ANKFN1: variants seen among roughly 807,000 people sequenced by gnomAD.
ANKFN1 encodes ankyrin repeat and fibronectin type III domain containing 1.
In ANKFN1, 74 loss-of-function variants were observed where a neutral mutation model predicts 108.7. The ratio of observed to expected loss-of-function variants is 0.68; its 90% CI spans 0.56 to 0.83. The LOEUF is 0.83. Among genes scored for constraint, ANKFN1 ranks in the 40% least tolerant of loss-of-function variants. ANKFN1 has a pLI of 0.00. For synonymous variants in ANKFN1, 547 were observed against 516.2 expected, an observed-to-expected ratio of 1.06 and a Z score of -0.81; for missense variants, 1,505 against 1,382.3, an observed-to-expected ratio of 1.09 and a Z score of -1.41.
intron 1 of ANKFN1, among the ~76,000 whole-genome samples, chr17:56,194,785 G>C (rs1196943837): frequency 6.6e-6 from 1 of 152,188 alleles, no homozygotes; most frequent in Non-Finnish European, 1.5e-5. Context: ...TGTAACAAAT[G>C]CACCACTCTG....
chr17:56,094,771 T>C (rs1346122726), intron 4 of ANKFN1, among the ~76,000 whole-genome samples: 2 of 149,990 alleles, frequency 1.3e-5, no homozygotes, highest in Admixed American at 6.7e-5. Context: ...CCACCCACCT[T>C]GACCTCCCAA....
chr17:56,348,408 A>T (rs2046161019), intron 4 of ANKFN1, among the ~76,000 whole-genome samples: 1 of 151,986 alleles, frequency 6.6e-6, no homozygotes, highest in Non-Finnish European at 1.5e-5. Flanking sequence ...TGTTTTGAAG[A>T]AAGTTGCAGA....
rs1917371052 is a variant in ANKFN1 at position 56,238,947 on chromosome 17, C to G, written c.53+10990C>G. Among the ~76,000 whole-genome samples the G allele has an allele frequency of 1.3e-5, 2 of 151,902 alleles. 1 individual carries two copies. The highest frequency in any genetic ancestry group is 4.2e-4 in the South Asian group (2 of 4,814). ...TGTGAATATTAAGTTGATTTTTTTT[C>G]TCAAGTTACAATTTTTAAAAAATCT... On this transcript the variant is annotated intron_variant, in intron 3 of 20. Coordinates refer to ENST00000682825, the MANE Select transcript of ANKFN1 (RefSeq NM_001370326.1).
chr17:56,379,508 T>A (rs1367050092), intron 8 of ANKFN1, among the ~76,000 whole-genome samples: 1 of 152,236 alleles, frequency 6.6e-6, no homozygotes. Flanking sequence ...TTTTTTGATA[T>A]GTATATGCAC....
intron 3 of ANKFN1, among the ~76,000 whole-genome samples, chr17:56,319,148 T>C (rs999772417): frequency 2.0e-5 from 3 of 152,204 alleles, no homozygotes; most frequent in Non-Finnish European, 4.4e-5. Flanking sequence ...TTCAGTATTT[T>C]GACTAATCAA....
intron 11 of ANKFN1, among the ~76,000 whole-genome samples, chr17:56,450,441 G>A (rs1047860845): frequency 2.0e-5 from 3 of 152,174 alleles, no homozygotes; most frequent in Non-Finnish European, 4.4e-5. Context: ...GTGTTTGGAA[G>A]AAAATAATAT....
chr17:56,328,394 C>A (rs1005261415), intron 4 of ANKFN1, among the ~76,000 whole-genome samples: 4 of 152,134 alleles, frequency 2.6e-5, no homozygotes, highest in Non-Finnish European at 5.9e-5. Context: ...ATCAGAGACT[C>A]AATTAAGTAT....
chr17:56,047,973 C>T (rs181020757), intron 4 of ANKFN1, among the ~76,000 whole-genome samples: 14 of 152,302 alleles, frequency 9.2e-5, no homozygotes, highest in Admixed American at 2.6e-4. Context: ...TTTAAAGGAT[C>T]TTCTCCTAAT....
At chr17:56,416,911 T>A (rs1205654777) in intron 8 of ANKFN1, among the ~76,000 whole-genome samples, 1 of 152,166 alleles carries the variant, frequency 6.6e-6, no homozygotes, top group African/African-American at 2.4e-5. Flanking sequence ...TGCAACAACA[T>A]GGATGGGGCT....
intron 4 of ANKFN1, among the ~76,000 whole-genome samples, chr17:56,050,683 G>T (rs1255949180): frequency 1.3e-5 from 2 of 151,622 alleles, no homozygotes; most frequent in Non-Finnish European, 2.9e-5. Flanking sequence ...TCTCAGGTTT[G>T]TCAAAGATCA....
At chr17:56,263,791 AG>A (rs1189392258) in intron 3 of ANKFN1, among the ~76,000 whole-genome samples, 4 of 152,222 alleles carry the variant, frequency 2.6e-5, no homozygotes, top group Non-Finnish European at 5.9e-5. Flanking sequence ...TTATTTGAGC[AG>A]TCTCTTTTGA....
Position 56,141,627 on chromosome 17 carries a change from G to A in ANKFN1, c.289-86290G>A, listed in dbSNP as rs538362826. ...CCATATAGTGTTCCTGGAGTGGTGG[G>A]ATATTTAGGATAAAGGATCATTCGC... On this transcript the variant is annotated intron_variant, in intron 4 of 12. Coordinates refer to the ANKFN1 transcript ENST00000635860. Among the ~76,000 whole-genome samples the A allele has an allele frequency of 1.1e-3, 170 of 152,190 alleles. 1 individual carries two copies. The highest frequency in any genetic ancestry group is 3.9e-3 in the African/African-American group (160 of 41,526).
chr17:56,445,084 C>T (rs978261655), intron 10 of ANKFN1, among the ~76,000 whole-genome samples: 1 of 152,132 alleles, frequency 6.6e-6, no homozygotes, highest in Non-Finnish European at 1.5e-5. Flanking sequence ...TCATTTATTT[C>T]TAGTTGTCTT....
At chr17:56,163,362 A>G (rs1245882374) in intron 1 of ANKFN1, among the ~76,000 whole-genome samples, 1 of 152,210 alleles carries the variant, frequency 6.6e-6, no homozygotes, top group East Asian at 1.9e-4. Flanking sequence ...TTTAAACTTG[A>G]CACTGTCCAG....
intron 11 of ANKFN1, among the ~76,000 whole-genome samples, chr17:56,451,771 G>A (rs1330743013): frequency 6.6e-6 from 1 of 152,056 alleles, no homozygotes; most frequent in Non-Finnish European, 1.5e-5. Flanking sequence ...TTGAGAAAGG[G>A]GCCACTCTCC....
chr17:56,433,996 A>C (rs976283098), intron 8 of ANKFN1, among the ~76,000 whole-genome samples: 1 of 152,310 alleles, frequency 6.6e-6, no homozygotes, highest in African/African-American at 2.4e-5. Flanking sequence ...AGATTGTGCC[A>C]CTACACTCCG....
rs558712247 is a variant in ANKFN1, at chr17:56,511,454, C to T, written c.*185C>T. The T allele has an allele frequency of 9.2e-6, 6 of 653,420 alleles. No individual in the cohort carries two copies. Among genetic ancestry groups the T allele is most frequent in the African/African-American group, 5.5e-5 (3 of 54,734 alleles). 40.5% of individuals were successfully genotyped at this position (653,420 alleles called of 1,614,324 possible). ...AGTGGTGGGTGGAGGCCAGAGTTGCCAGTGCCATTCCCACTTCAGCCTAGA... is the reference window on the plus strand; with the variant it reads ...AGTGGTGGGTGGAGGCCAGAGTTGCTAGTGCCATTCCCACTTCAGCCTAGA... On this transcript the variant is annotated 3_prime_UTR_variant, in exon 21 of 21. Coordinates refer to ENST00000682825, the MANE Select transcript of ANKFN1 (RefSeq NM_001370326.1).
At position 56,058,879 on chromosome 17, in the gene ANKFN1, G is replaced by A. The variant is rs920196657; in HGVS notation, c.288+12554G>A. Among the ~76,000 whole-genome samples the A allele has an allele frequency of 5.3e-5, 8 of 152,090 alleles. No homozygotes were observed. In the East Asian group the frequency reaches 1.5e-3, roughly 29 times the overall value. Reference sequence around the variant, plus strand: ...TTCCATGACTTTGCTATTGTAAATAGTGCTGCAATAAGCATATGTGTGCAT... The same window carrying A: ...TTCCATGACTTTGCTATTGTAAATAATGCTGCAATAAGCATATGTGTGCAT... On this transcript the variant is annotated intron_variant, in intron 4 of 12. Transcript: ENST00000635860.
chr17:56,210,752 G>A lies in ANKFN1; in HGVS notation c.-70-1846G>A, dbSNP rs151268592. 3.1e-4 allele frequency among the ~76,000 whole-genome samples: 47 copies of A among 152,274 alleles called. No homozygotes were observed. In the East Asian group the frequency reaches 3.3e-3, roughly 11 times the overall value. On this transcript the variant is annotated intron_variant, in intron 1 of 20. Transcript: ENST00000682825. ...AGGAAATCTACAATCATGGCGGAAGGCACCTCTTCACAGGGTAGCAGGAGA... is the reference window on the plus strand; with the variant it reads ...AGGAAATCTACAATCATGGCGGAAGACACCTCTTCACAGGGTAGCAGGAGA...
Sources: allele counts gnomAD v4.1 joint callset (sites outside exome capture counted in the v4.1 genomes callset), GRCh38; gene constraint gnomAD v4.1.1; transcripts MANE v1.5; gene names NCBI Gene and HGNC (gene_info 2026-07-23, HGNC 2026-07-21).